The following KIAA1549L variants were observed in gnomAD, a reference collection of about 807,000 sequenced individuals.
The protein encoded by KIAA1549L is UPF0606 protein KIAA1549L.
A neutral mutation model predicts 160.7 loss-of-function variants in KIAA1549L; 88 were observed. The observed-to-expected ratio is 0.55, with a 90% CI of 0.46 to 0.65. KIAA1549L has a LOEUF of 0.65. Among genes scored for constraint, KIAA1549L ranks in the 30% least tolerant of loss-of-function variants. The pLI is 0.00. For synonymous variants in KIAA1549L, 950 were observed against 976.7 expected, an observed-to-expected ratio of 0.97 and a Z score of 0.51; for missense variants, 2,258 against 2,437.5, an observed-to-expected ratio of 0.93 and a Z score of 1.55.
At chr11:33,569,089 C>T (rs541520163) in intron 9 of KIAA1549L, among the ~76,000 whole-genome samples, 11 of 152,290 alleles carry the variant, frequency 7.2e-5, no homozygotes, top group South Asian at 4.1e-4. Flanking sequence ...CCTGCCAGTT[C>T]GTTGCACCTC....
At chr11:33,506,006 TC>T in intron 1 of KIAA1549L, among the ~76,000 whole-genome samples, 1 of 152,370 alleles carries the variant, frequency 6.6e-6, no homozygotes, top group East Asian at 1.9e-4. Flanking sequence ...GTTGTCATTA[TC>T]CCCATTTTAC....
intron 9 of KIAA1549L, among the ~76,000 whole-genome samples, chr11:33,572,123 G>C (rs1402578516): frequency 6.6e-6 from 1 of 151,282 alleles, no homozygotes; most frequent in African/African-American, 2.4e-5. Context: ...TGCAACCTCC[G>C]CCTCCCAGGT....
At chr11:33,590,717 G>A (rs1312562073) in intron 11 of KIAA1549L, among the ~76,000 whole-genome samples, 8 of 152,182 alleles carry the variant, frequency 5.3e-5, no homozygotes, top group Non-Finnish European at 8.8e-5. Context: ...ATACTCAAGG[G>A]TGGTAGAAGT....
chr11:33,444,492 C>T (rs753880894), intron 1 of KIAA1549L, among the ~76,000 whole-genome samples: 6 of 152,108 alleles, frequency 3.9e-5, no homozygotes, highest in South Asian at 2.1e-4. Flanking sequence ...TTGGTGTCAG[C>T]GATTGCTTCT....
chr11:33,601,851 C>T (rs1362109992), intron 13 of KIAA1549L, among the ~76,000 whole-genome samples: 2 of 152,116 alleles, frequency 1.3e-5, no homozygotes, highest in Non-Finnish European at 2.9e-5. Context: ...GCTCAATGGC[C>T]ACATCAGTTA....
At chr11:33,461,192 C>A (rs1291993431) in intron 1 of KIAA1549L, among the ~76,000 whole-genome samples, 2 of 139,280 alleles carry the variant, frequency 1.4e-5, no homozygotes, top group Non-Finnish European at 3.3e-5. Context: ...TTTTTATAGA[C>A]CACCCTTTCA....
At chr11:33,566,738 G>C (rs1263540850) in intron 8 of KIAA1549L, among the ~76,000 whole-genome samples, 1 of 152,174 alleles carries the variant, frequency 6.6e-6, no homozygotes, top group East Asian at 1.9e-4. Context: ...GCTGCTGGTA[G>C]CCCCCTGTTG....
At chr11:33,418,780 T>A (rs897730604) in intron 1 of KIAA1549L, among the ~76,000 whole-genome samples, 1 of 152,100 alleles carries the variant, frequency 6.6e-6, no homozygotes, top group African/African-American at 2.4e-5. Context: ...CCTAGTGCAA[T>A]GTGCCTTGCT....
intron 1 of KIAA1549L, among the ~76,000 whole-genome samples, chr11:33,482,396 C>T (rs913751156): frequency 6.6e-6 from 1 of 151,922 alleles, no homozygotes; most frequent in East Asian, 1.9e-4. Context: ...GTTTTTTCCC[C>T]CCAGTGACTA....
intron 1 of KIAA1549L, among the ~76,000 whole-genome samples, chr11:33,412,230 A>G (rs182072317): frequency 6.6e-6 from 1 of 152,338 alleles, no homozygotes; most frequent in Admixed American, 6.5e-5. Flanking sequence ...TCTTACATGA[A>G]TATTTTATAT....
At position 33,555,909 on chromosome 11, in the gene KIAA1549L, C is replaced by G. The variant is rs183610973; in HGVS notation, c.3855+3668C>G. ...TGAAAAATATTTGCAAATCATATAT[C>G]TGGTAAGTAGTTAATATTCAGAATA... is the stretch of plus-strand genomic sequence containing the variant. On this transcript the variant is annotated intron_variant, in intron 6 of 20. Coordinates refer to ENST00000658780, the MANE Select transcript of KIAA1549L (RefSeq NM_012194.3). Among the ~76,000 whole-genome samples the G allele has an allele frequency of 4.0e-4, 61 of 152,210 alleles. 1 individual carries two copies. The East Asian group carries it at 0.012, about 29-fold the overall frequency.
chr11:33,579,561 T>C (rs1336054530), intron 10 of KIAA1549L, among the ~76,000 whole-genome samples: 2 of 151,994 alleles, frequency 1.3e-5, no homozygotes, highest in Non-Finnish European at 2.9e-5. Flanking sequence ...AGCTCCCACT[T>C]ACTATGTGCT....
At chr11:33,448,436 A>G (rs984273661) in intron 1 of KIAA1549L, among the ~76,000 whole-genome samples, 3 of 152,112 alleles carry the variant, frequency 2.0e-5, no homozygotes, top group South Asian at 4.1e-4. Context: ...AGTCTTCTCT[A>G]TGGAGCTGAC....
At chr11:33,574,625 C>A in intron 9 of KIAA1549L, 77 bp from the exon 10 acceptor site, 1 of 1,379,426 alleles carries the variant, frequency 7.2e-7, no homozygotes, top group Non-Finnish European at 1.0e-6. Context: ...AGGAGAGGAA[C>A]ATCTGCTGAT....
At chr11:33,378,230 T>A (rs1224838479) in intron 1 of KIAA1549L, among the ~76,000 whole-genome samples, 4 of 152,206 alleles carry the variant, frequency 2.6e-5, no homozygotes, top group African/African-American at 9.7e-5. Context: ...TTTTGTGAAC[T>A]GCTTATGAGA....
chr11:33,490,047 G>T (rs1852621759), intron 1 of KIAA1549L, among the ~76,000 whole-genome samples: 1 of 152,110 alleles, frequency 6.6e-6, no homozygotes, highest in Admixed American at 6.6e-5. Context: ...AGGTTATACA[G>T]ATTGATGGTA....
intron 1 of KIAA1549L, among the ~76,000 whole-genome samples, chr11:33,448,250 TA>T (rs1476588244): frequency 6.6e-6 from 1 of 152,044 alleles, no homozygotes; most frequent in Admixed American, 6.6e-5. Context: ...TCTTTGGAGG[TA>T]TTTATGAACT....
chr11:33,431,712 G>T (rs181583529), intron 1 of KIAA1549L, among the ~76,000 whole-genome samples: 2,741 of 152,382 alleles, frequency 0.018, 44 homozygotes, highest in Non-Finnish European at 0.028. Flanking sequence ...GCTGCAGGTG[G>T]AGCTGCCTGC....
chr11:33,450,807 G>A (rs1851706967), intron 1 of KIAA1549L: 1 of 153,064 alleles, frequency 6.5e-6, no homozygotes, highest in African/African-American at 2.4e-5. Flanking sequence ...CAAAGAACCA[G>A]AAGGGCTCTG....
Sources: gnomAD v4.1 joint callset for allele counts (sites outside exome capture counted in the v4.1 genomes callset) on GRCh38, gnomAD v4.1.1 for gene constraint, MANE v1.5 for transcripts, NCBI Gene and HGNC (gene_info 2026-07-23, HGNC 2026-07-21) for gene names.